TSHZ1: variants seen among roughly 807,000 people sequenced by gnomAD.
TSHZ1 encodes the protein teashirt zinc finger homeobox 1.
A neutral mutation model predicts 67.1 loss-of-function variants in TSHZ1; 12 were observed. That is an observed-to-expected ratio of 0.18 (90% confidence interval 0.11 to 0.29). The LOEUF is 0.29. Among genes scored for constraint, TSHZ1 ranks in the 10% least tolerant of loss-of-function variants. The pLI, the probability that TSHZ1 is intolerant of heterozygous loss-of-function variation, is 1.00. For missense variants in TSHZ1, 1,305 were observed against 1,413.9 expected (o/e 0.92, Z 1.23); for synonymous variants, 632 against 622.4 (o/e 1.02, Z -0.23).
At chr18:75,227,641 C>G (rs555798561) in intron 1 of TSHZ1, among the ~76,000 whole-genome samples, 1 of 152,262 alleles carries the variant, frequency 6.6e-6, no homozygotes, top group South Asian at 2.1e-4. Context: ...GTTATTGTTT[C>G]TCTCATCCCC....
intron 1 of TSHZ1, among the ~76,000 whole-genome samples, chr18:75,250,044 C>A (rs2023278826): frequency 6.7e-6 from 1 of 150,234 alleles, no homozygotes; most frequent in Admixed American, 6.6e-5. Flanking sequence ...TGCCTTCCTC[C>A]TGCAGTAGGT....
chr18:75,286,882 G>T lies in TSHZ1; in HGVS notation c.1475G>T (p.Gly492Val). 22 of 1,614,180 alleles carry T rather than the reference G, an allele frequency of 1.4e-5. No homozygotes were observed. Among genetic ancestry groups the T allele is most frequent in the Non-Finnish European group, 1.7e-5 (20 of 1,180,048 alleles). The stretch of plus-strand genomic sequence containing the variant: ...AAAAAGCAGCCCGACTCTCCCGCGG[G>T]GTCCACGACTTCTGAAGAAAAGAAA... Reference protein sequence around the residue: ...SIKKQPDSPAGSTTSEEKKEP... With the variant: ...SIKKQPDSPAVSTTSEEKKEP... Residue 492 changes from glycine to valine, a missense_variant, in exon 2 of 2, where the codon GGG becomes GTG. By Grantham distance (109) the Gly-to-Val change is moderately radical. Around this residue, in one of 3 missense-constraint regions of TSHZ1, gnomAD observed 909 missense variants for 961.8 expected, o/e 0.95. Coordinates refer to ENST00000580243, the MANE Select transcript of TSHZ1 (RefSeq NM_001308210.2). This position sits in a 1 kb window ranked among gnomAD's most constrained non-coding sequence, Gnocchi z 5.1.
At position 75,285,813 on chromosome 18, in the gene TSHZ1, T is replaced by G; in HGVS notation, c.406T>G (p.Leu136Val). The stretch of plus-strand genomic sequence containing the variant: ...CTGCTGGTCCAGCTTAGCTCTGGAT[T>G]TAAAGAAGTCGGGTTCCACCACCAG... Reference protein sequence around the residue: ...ESCWSSLALDLKKSGSTTSTN... With the variant: ...ESCWSSLALDVKKSGSTTSTN... The change falls in exon 2 of 2, where the codon TTA (leucine) becomes GTA (valine). Residue 136 changes from leucine (L) to valine (V), a missense_variant. Transcript: ENST00000580243. 6.2e-7 allele frequency: 1 copy of G among 1,614,030 alleles called. No homozygotes were observed. Among genetic ancestry groups the G allele is most frequent in the African/African-American group, 1.3e-5 (1 of 74,988 alleles).
At chr18:75,244,281 A>T (rs1323168933) in intron 1 of TSHZ1, among the ~76,000 whole-genome samples, 3 of 152,106 alleles carry the variant, frequency 2.0e-5, no homozygotes, top group Admixed American at 1.3e-4. Context: ...CTTTTATATC[A>T]CAACCGGGTA....
chr18:75,220,310 C>G (rs917933117), intron 1 of TSHZ1, among the ~76,000 whole-genome samples: 4 of 152,164 alleles, frequency 2.6e-5, no homozygotes, highest in African/African-American at 9.7e-5. Flanking sequence ...CCTGAACCGA[C>G]TCTTTTTTTA....
In TSHZ1 at chr18:75,289,462, G is replaced by A. The variant is rs530047322; in HGVS notation, c.*821G>A. ...TTTACAAATGTAAGCTTTGGTACAA[G>A]CTGACCTTTCTATAGCGTGCTGCAT... is the stretch of plus-strand genomic sequence containing the variant. On this transcript the variant is annotated 3_prime_UTR_variant, in exon 2 of 2. Transcript: ENST00000580243. 8 of 167,058 alleles carry A rather than the reference G, an allele frequency of 4.8e-5. No homozygotes were observed. Among genetic ancestry groups the A allele is most frequent in the African/African-American group, 1.4e-4 (6 of 41,532 alleles). The allele number at this position is 167,058 out of a possible 1,614,324, so 10.3% of individuals were successfully genotyped here.
At chr18:75,218,439 A>G (rs897204428) in intron 1 of TSHZ1, among the ~76,000 whole-genome samples, 5 of 152,250 alleles carry the variant, frequency 3.3e-5, no homozygotes, top group African/African-American at 1.2e-4. Context: ...TATGAAGGGG[A>G]ACAGCTCCTC....
Position 75,287,498 on chromosome 18 carries a change from C to A in TSHZ1, c.2091C>A (p.Ala697=), listed in dbSNP as rs529413067. Residue 697 remains alanine, a synonymous_variant, in exon 2 of 2, where the codon GCC becomes GCA. Coordinates refer to ENST00000580243, the MANE Select transcript of TSHZ1 (RefSeq NM_001308210.2). The surrounding 1 kb of genome is among the most constrained non-coding windows in gnomAD (Gnocchi z 5.0). ...AACCACAGAAGAAGGGCCCTGAGGC[C>A]GAGACTGGGAAGGCCAAAAAGGAGG... ...SGKPQKKGPE[A]ETGKAKKEGP... The A allele has an allele frequency of 5.6e-6, 9 of 1,614,176 alleles. No individual in the cohort carries two copies. Among genetic ancestry groups the A allele is most frequent in the Non-Finnish European group, 6.8e-6 (8 of 1,180,040 alleles).
intron 1 of TSHZ1, among the ~76,000 whole-genome samples, chr18:75,218,653 G>A (rs979970760): frequency 2.6e-5 from 4 of 152,152 alleles, no homozygotes; most frequent in African/African-American, 7.2e-5. Context: ...GGGCCGGGCT[G>A]GGGGGAGCCG....
intron 1 of TSHZ1, among the ~76,000 whole-genome samples, chr18:75,218,836 C>T (rs1371494832): frequency 1.3e-5 from 2 of 152,260 alleles, no homozygotes; most frequent in African/African-American, 4.8e-5. Flanking sequence ...CGGAGCCTCC[C>T]AGACCCTACC....
chr18:75,243,644 G>C (rs2023185268), intron 1 of TSHZ1, among the ~76,000 whole-genome samples: 1 of 152,164 alleles, frequency 6.6e-6, no homozygotes, highest in Non-Finnish European at 1.5e-5. Flanking sequence ...CCTCCTTGTG[G>C]CGTTTGTTTG....
rs1437647186 is a variant in TSHZ1 at position 75,286,621 on chromosome 18, C to A, written c.1214C>A (p.Thr405Asn). ...RYGYQNGASY[T>N]WQFEARKAQI... ...GGCTACCAGAATGGCGCCAGCTACA[C>A]CTGGCAGTTTGAGGCCCGCAAGGCG... Residue 405 changes from threonine (T) to asparagine (N), a missense_variant, in exon 2 of 2, where the codon ACC becomes AAC. This residue lies in a region of TSHZ1 where 909 missense variants were observed against 961.8 expected (regional missense o/e 0.95). Transcript: ENST00000580243. The surrounding 1 kb of genome is among the most constrained non-coding windows in gnomAD (Gnocchi z 5.1). The A allele has an allele frequency of 3.7e-6, 6 of 1,614,126 alleles. No individual in the cohort carries two copies. In the African/African-American group the frequency reaches 6.7e-5, roughly 18 times the overall value.
chr18:75,254,928 C>T (rs1475418665), intron 1 of TSHZ1, among the ~76,000 whole-genome samples: 1 of 152,162 alleles, frequency 6.6e-6, no homozygotes. Flanking sequence ...TCCCAATTAT[C>T]CAGAAAACCC....
intron 1 of TSHZ1, among the ~76,000 whole-genome samples, chr18:75,234,559 C>T (rs1599031889): frequency 6.6e-6 from 1 of 151,980 alleles, no homozygotes; most frequent in African/African-American, 2.4e-5. Flanking sequence ...AACTGCTTTG[C>T]TAGGGCTTCT....
At chr18:75,220,994 T>C (rs544273327) in intron 1 of TSHZ1, 2 of 152,178 alleles carry the variant, frequency 1.3e-5, no homozygotes, top group African/African-American at 4.8e-5. Context: ...TGCAGGAAAA[T>C]AGCCAAGTAG....
At chr18:75,254,098 C>T (rs1209645740) in intron 1 of TSHZ1, among the ~76,000 whole-genome samples, 1 of 152,126 alleles carries the variant, frequency 6.6e-6, no homozygotes, top group Non-Finnish European at 1.5e-5. Flanking sequence ...AAATATTTTC[C>T]CCTTTTTCAT....
At chr18:75,249,267 G>A (rs909875589) in intron 1 of TSHZ1, among the ~76,000 whole-genome samples, 1 of 152,194 alleles carries the variant, frequency 6.6e-6, no homozygotes, top group Non-Finnish European at 1.5e-5. Flanking sequence ...CACGGGTTGA[G>A]AGCCCTGGGT....
chr18:75,250,448 C>A (rs560529665), intron 1 of TSHZ1, among the ~76,000 whole-genome samples: 4 of 152,360 alleles, frequency 2.6e-5, no homozygotes, highest in Non-Finnish European at 5.9e-5. Flanking sequence ...GTCCTCCCTG[C>A]AGCAAGGGGC....
At chr18:75,275,489 G>A (rs1012520643) in intron 1 of TSHZ1, among the ~76,000 whole-genome samples, 1 of 152,176 alleles carries the variant, frequency 6.6e-6, no homozygotes, top group Non-Finnish European at 1.5e-5. Flanking sequence ...TCTGCGTTAC[G>A]TTTCTTTACA....
Sources: allele counts gnomAD v4.1 joint callset (sites outside exome capture counted in the v4.1 genomes callset), GRCh38; gene constraint gnomAD v4.1.1; regional missense constraint gnomAD v4.1.1; non-coding constraint Gnocchi (gnomAD v3.1); transcripts MANE v1.5; gene names NCBI Gene and HGNC (gene_info 2026-07-23, HGNC 2026-07-21).